Variants in RAB38 observed in about 807,000 individuals in gnomAD.
RAB38 encodes ras-related protein Rab-38.
Under a neutral mutation model 18.4 loss-of-function variants are expected in RAB38, and 15 were observed. The observed-to-expected ratio is 0.82, with a 90% confidence interval of 0.55 to 1.26. The LOEUF (loss-of-function observed/expected upper bound fraction) is 1.26. Among genes scored for constraint, RAB38 ranks in the 50% most tolerant of loss-of-function variants. The probability of loss-of-function intolerance (pLI) is 0.00; values close to 1 mark genes in which losing one functional copy is unlikely to be tolerated. For synonymous variants in RAB38, 101 were observed against 104.4 expected (o/e 0.97, Z 0.20); for missense variants, 294 against 267.4 (o/e 1.10, Z -0.69).
At chr11:87,967,809 T>A in the RAB38 span, among the ~76,000 whole-genome samples, 7 of 152,288 alleles carry the variant, frequency 4.6e-5, no homozygotes, top group Non-Finnish European at 7.4e-5. Flanking sequence ...AATAATGTTG[T>A]CTTCAGAGAT....
chr11:88,046,616 C>A, the RAB38 span, among the ~76,000 whole-genome samples: 1 of 152,154 alleles, frequency 6.6e-6, no homozygotes, highest in Admixed American at 6.6e-5. Context: ...TTACCTATCT[C>A]GGCATAATTC....
the RAB38 span, among the ~76,000 whole-genome samples, chr11:88,037,241 C>CATT: frequency 6.6e-6 from 1 of 151,942 alleles, no homozygotes; most frequent in Non-Finnish European, 1.5e-5. Context: ...CATAGGTTTA[C>CATT]CTGTAATAAT....
the RAB38 span, among the ~76,000 whole-genome samples, chr11:87,861,164 G>A: frequency 6.6e-6 from 1 of 151,874 alleles, no homozygotes; most frequent in African/African-American, 2.4e-5. Context: ...ACGTTAATTT[G>A]CATGGAAAAA....
the RAB38 span, among the ~76,000 whole-genome samples, chr11:87,929,680 C>T: frequency 5.3e-5 from 8 of 151,732 alleles, no homozygotes; most frequent in South Asian, 1.7e-3. Context: ...CGTCATTTAA[C>T]ATTAGGTATA....
At chr11:88,164,055 C>T (rs1021408758) in intron 1 of RAB38, among the ~76,000 whole-genome samples, 6 of 152,062 alleles carry the variant, frequency 3.9e-5, no homozygotes, top group Admixed American at 6.6e-5. Context: ...CCTAAAATAC[C>T]TCTGAACTGT....
chr11:87,829,135 A>G, the RAB38 span, among the ~76,000 whole-genome samples: 20 of 152,220 alleles, frequency 1.3e-4, no homozygotes, highest in African/African-American at 4.8e-4. Context: ...ACTCCTGCAA[A>G]GGAGTTGGTA....
At chr11:88,172,919 G>A (rs1943327040) in intron 1 of RAB38, among the ~76,000 whole-genome samples, 1 of 152,214 alleles carries the variant, frequency 6.6e-6, no homozygotes, top group African/African-American at 2.4e-5. Context: ...GAGCATTAGA[G>A]CTCTGGGAAA....
At chr11:87,821,985 G>C in the RAB38 span, among the ~76,000 whole-genome samples, 11 of 152,020 alleles carry the variant, frequency 7.2e-5, no homozygotes, top group Non-Finnish European at 1.6e-4. Flanking sequence ...TTCTTAGCAG[G>C]TGAAAAAAAC....
the RAB38 span, among the ~76,000 whole-genome samples, chr11:88,090,936 G>T: frequency 6.6e-6 from 1 of 151,902 alleles, no homozygotes. Flanking sequence ...TCACAAACAT[G>T]TGTCCTGCCT....
the RAB38 span, among the ~76,000 whole-genome samples, chr11:87,907,653 T>G: frequency 6.6e-6 from 1 of 151,684 alleles, no homozygotes; most frequent in East Asian, 1.9e-4. Context: ...AAATTTCTAG[T>G]ATTTAAATAT....
chr11:88,037,233 T>C, the RAB38 span, among the ~76,000 whole-genome samples: 1 of 152,072 alleles, frequency 6.6e-6, no homozygotes, highest in Non-Finnish European at 1.5e-5. Flanking sequence ...TACATTTCCA[T>C]AGGTTTACCT....
At chr11:88,041,934 G>A in the RAB38 span, among the ~76,000 whole-genome samples, 2 of 152,088 alleles carry the variant, frequency 1.3e-5, no homozygotes, top group Non-Finnish European at 2.9e-5. Flanking sequence ...TACAAGCTAT[G>A]AGGTGCCAGT....
At chr11:88,109,402 TA>T (rs1942443449), downstream of RAB38, among the ~76,000 whole-genome samples, 1 of 152,114 alleles carries the variant, frequency 6.6e-6, no homozygotes, top group African/African-American at 2.4e-5. Context: ...ATGTAAGACC[TA>T]AAACCATAAA....
the RAB38 span, among the ~76,000 whole-genome samples, chr11:87,875,325 TTAATTA>T: frequency 6.6e-6 from 1 of 151,286 alleles, no homozygotes; most frequent in Non-Finnish European, 1.5e-5. Flanking sequence ...AAAAATAAAA[TTAATTA>T]TAAGTAAAGG....
chr11:87,944,661 A>G, the RAB38 span, among the ~76,000 whole-genome samples: 1 of 152,166 alleles, frequency 6.6e-6, no homozygotes, highest in South Asian at 2.1e-4. Context: ...TGGATATCTT[A>G]AACAGTCTTT....
the RAB38 span, among the ~76,000 whole-genome samples, chr11:87,854,044 A>C: frequency 5.3e-5 from 8 of 152,126 alleles, no homozygotes; most frequent in African/African-American, 1.9e-4. Flanking sequence ...CTAAAGGTTT[A>C]TTTGTTAGAT....
At chr11:88,076,969 A>AG in the RAB38 span, among the ~76,000 whole-genome samples, 8 of 112,836 alleles carry the variant, frequency 7.1e-5, no homozygotes, top group Admixed American at 1.9e-4. Context: ...AAAAAAAAAA[A>AG]AAAAAAGAAA....
At chr11:88,032,764 T>G in the RAB38 span, among the ~76,000 whole-genome samples, 1 of 152,154 alleles carries the variant, frequency 6.6e-6, no homozygotes, top group African/African-American at 2.4e-5. Flanking sequence ...TAGGAACACT[T>G]TTACACTGTT....
At chr11:88,040,464 C>G in the RAB38 span, among the ~76,000 whole-genome samples, 46 of 152,106 alleles carry the variant, frequency 3.0e-4, 1 homozygote. Context: ...ACCTGTAAAC[C>G]CAGCACTTTG....
Sources: gnomAD v4.1 joint callset for allele counts (sites outside exome capture counted in the v4.1 genomes callset) on GRCh38, gnomAD v4.1.1 for gene constraint, MANE v1.5 for transcripts, NCBI Gene and HGNC (gene_info 2026-07-23, HGNC 2026-07-21) for gene names.